KRT18: variants seen among roughly 807,000 people sequenced by gnomAD.
KRT18 encodes keratin, type I cytoskeletal 18.
KRT18 carries 8 observed loss-of-function variants against 39.9 expected under a neutral mutation model. The observed-to-expected ratio is 0.20, with a 90% confidence interval of 0.12 to 0.36. The LOEUF is 0.36. Ranked by LOEUF, KRT18 falls within the 10% of genes least tolerant of loss-of-function variation. The probability of loss-of-function intolerance (pLI) is 1.00; values close to 1 mark genes in which losing one functional copy is unlikely to be tolerated. For synonymous variants in KRT18, 194 were observed against 227.8 expected, an observed-to-expected ratio of 0.85 and a Z score of 1.33; for missense variants, 396 against 565.7, an observed-to-expected ratio of 0.70 and a Z score of 3.04.
chr12:52,952,046 T>C (rs1942499357), intron 5 of KRT18, 73 bp from the exon 6 acceptor site: 23 of 1,397,074 alleles, frequency 1.6e-5, no homozygotes, highest in Non-Finnish European at 2.3e-5. Context: ...CCCAAAAAAG[T>C]TTCCAAAAGT....
intron 1 of KRT18, 105 bp downstream of exon 1, chr12:52,949,695 C>T (rs1217056095): frequency 2.9e-6 from 3 of 1,045,072 alleles, no homozygotes; most frequent in Admixed American, 1.9e-5. Context: ...CCTACTCCAC[C>T]GGGAGGGGGT....
In KRT18 at chr12:52,950,777, G is replaced by T; in HGVS notation, c.528G>T (p.Gln176His). 10 of 1,611,140 alleles carry T rather than the reference G, an allele frequency of 6.2e-6. No individual in the cohort carries two copies. In the East Asian group the frequency reaches 2.2e-4, roughly 36 times the overall value. The change falls in exon 3 of 7, where the codon CAG becomes CAT. Residue 176 changes from glutamine to histidine, a missense_variant. Transcript: ENST00000388835. ...VKYETELAMR[Q>H]SVENDIHGLR... ...ATGAGACAGAGCTGGCCATGCGCCA[G>T]TCTGTGGAGAACGACATCCATGGGC... is the stretch of plus-strand genomic sequence containing the variant.
Position 52,949,334 on chromosome 12 carries a change from T to C in KRT18, c.161T>C (p.Phe54Ser), listed in dbSNP as rs1429253751. 2 of 1,608,218 alleles carry C rather than the reference T, an allele frequency of 1.2e-6. No individual in the cohort carries two copies. The highest frequency in any genetic ancestry group is 1.7e-6 in the Non-Finnish European group (2 of 1,179,084). ...SRISVSRSTS[F>S]RGGMGSGGLA... ...ATCTCCGTGTCCCGCTCCACCAGCTTCAGGGGCGGCATGGGGTCCGGGGGC... is the reference window on the plus strand; with the variant it reads ...ATCTCCGTGTCCCGCTCCACCAGCTCCAGGGGCGGCATGGGGTCCGGGGGC... Residue 54 changes from phenylalanine (F) to serine (S), a missense_variant, in exon 1 of 7, where the codon TTC becomes TCC. Phe to Ser is a radical substitution (Grantham distance 155, BLOSUM62 -2). Transcript: ENST00000388835.
At chr12:52,949,734 C>G in intron 1 of KRT18, 144 bp downstream of exon 1, 1 of 777,196 alleles carries the variant, frequency 1.3e-6, no homozygotes, top group Non-Finnish European at 2.3e-6. Flanking sequence ...CATCCGCGCA[C>G]CTAGCCACAG....
At chr12:52,950,214 G>A in intron 1 of KRT18, 114 bp from the exon 2 acceptor site, 2 of 800,202 alleles carry the variant, frequency 2.5e-6, no homozygotes, top group Non-Finnish European at 4.5e-6. Flanking sequence ...AGAGCCTCTG[G>A]CTATTCCTGG....
chr12:52,950,467 TC>T, intron 2 of KRT18, 57 bp downstream of exon 2: 1 of 1,303,980 alleles, frequency 7.7e-7, no homozygotes. Context: ...AAGGATCTGC[TC>T]CCCAGGCTGG....
rs760412718 is a variant in KRT18, at chr12:52,949,309, A to C, written c.136A>C (p.Ile46Leu). ...AGGCGCTGGGGGCTCTGGTTCCCGG[A>C]TCTCCGTGTCCCGCTCCACCAGCTT... is the stretch of plus-strand genomic sequence containing the variant. ...YAGAGGSGSR[I>L]SVSRSTSFRG... Residue 46 changes from isoleucine to leucine, a missense_variant, in exon 1 of 7, where the codon ATC (isoleucine) becomes CTC (leucine). Coordinates refer to ENST00000388835, the MANE Select transcript of KRT18 (RefSeq NM_000224.3). The C allele has an allele frequency of 6.2e-7, 1 of 1,610,408 alleles. No individual in the cohort carries two copies. Among genetic ancestry groups the C allele is most frequent in the East Asian group, 2.2e-5 (1 of 44,872 alleles).
At chr12:52,950,575 C>G (rs1215526175) in intron 2 of KRT18, 165 bp downstream of exon 2, 12 of 816,502 alleles carry the variant, frequency 1.5e-5, no homozygotes, top group Non-Finnish European at 2.5e-5. Flanking sequence ...TGTATAACCC[C>G]GTTTAAGAAT....
chr12:52,951,662 G>T lies in KRT18; in HGVS notation c.822+17G>T, dbSNP rs1294939361. On this transcript the variant is annotated intron_variant, in intron 4 of 6. Coordinates refer to ENST00000388835, the MANE Select transcript of KRT18 (RefSeq NM_000224.3). ...TCTCAGCAGGTGCGTGAGGGGAGGG[G>T]ATGGCTGCCAAGGTGTGGGAGGGAG... The T allele has an allele frequency of 6.2e-7, 1 of 1,613,300 alleles. No individual in the cohort carries two copies. The highest frequency in any genetic ancestry group is 1.7e-5 in the Admixed American group (1 of 59,984).
At chr12:52,949,736 T>G in intron 1 of KRT18, 146 bp downstream of exon 1, 1 of 763,288 alleles carries the variant, frequency 1.3e-6, no homozygotes, top group Non-Finnish European at 2.3e-6. Flanking sequence ...TCCGCGCACC[T>G]AGCCACAGGG....
At chr12:52,950,142 C>G (rs1318541581) in intron 1 of KRT18, 186 bp from the exon 2 acceptor site, 1 of 714,382 alleles carries the variant, frequency 1.4e-6, no homozygotes, top group Non-Finnish European at 2.6e-6. Flanking sequence ...GTGCTGGGAT[C>G]TGGGAATCCA....
At chr12:52,951,019 G>A (rs1942476910) in intron 3 of KRT18, 113 bp downstream of exon 3, 2 of 987,586 alleles carry the variant, frequency 2.0e-6, no homozygotes, top group Admixed American at 2.4e-5. Flanking sequence ...TTTAGAAATA[G>A]CAGCCTGGGC....
At position 52,952,854 on chromosome 12, in the gene KRT18, C is replaced by T; in HGVS notation, c.*12C>T. 6.2e-7 allele frequency: 1 copy of T among 1,604,916 alleles called. No homozygotes were observed. The highest frequency in any genetic ancestry group is 8.5e-7 in the Non-Finnish European group (1 of 1,179,220). Reference sequence around the variant, plus strand: ...TTCTGAGGCATTAAGCCAGCAGAAGCAGGGTACCCTTTGGGGAGCAGGAGG... The same window carrying T: ...TTCTGAGGCATTAAGCCAGCAGAAGTAGGGTACCCTTTGGGGAGCAGGAGG... On this transcript the variant is annotated 3_prime_UTR_variant, in exon 7 of 7. Transcript: ENST00000388835.
At chr12:52,949,869 AGAG>A (rs1190493093) in intron 1 of KRT18, 7 of 693,304 alleles carry the variant, frequency 1.0e-5, no homozygotes, top group African/African-American at 8.8e-5. Context: ...AGGCCTGTAA[AGAG>A]GAGGAGACAC....
intron 1 of KRT18, 40 bp downstream of exon 1, chr12:52,949,630 A>G: frequency 1.9e-6 from 3 of 1,549,238 alleles, no homozygotes; most frequent in Non-Finnish European, 2.7e-6. Context: ...GCCTTGTCTG[A>G]CCCTCCAATT....
intron 5 of KRT18, 38 bp from the exon 6 acceptor site, chr12:52,952,081 C>G (rs1274529843): frequency 6.7e-7 from 1 of 1,490,536 alleles, no homozygotes; most frequent in African/African-American, 1.4e-5. Context: ...TCCTGGGACT[C>G]TGGGCTCACC....
rs1942409069 is a variant in KRT18 at position 52,949,122 on chromosome 12, C to T, written c.-52C>T. ...CGGGTCGCGCGGCTCGCGCAGGCCGCCACCGTCGTCCGCAAAGCCTGAGTC... is the reference window on the plus strand; with the variant it reads ...CGGGTCGCGCGGCTCGCGCAGGCCGTCACCGTCGTCCGCAAAGCCTGAGTC... On this transcript the variant is annotated 5_prime_UTR_variant, in exon 1 of 7. Transcript: ENST00000388835. 5.1e-6 allele frequency: 7 copies of T among 1,360,434 alleles called. No homozygotes were observed. The highest frequency in any genetic ancestry group is 4.7e-5 in the South Asian group (4 of 84,432). The allele number at this position is 1,360,434 out of a possible 1,614,324, so 84.3% of individuals were successfully genotyped here.
Position 52,952,053 on chromosome 12 carries a change from A to T in KRT18, c.949-66A>T, listed in dbSNP as rs1218002165. On this transcript the variant is annotated intron_variant, in intron 5 of 6. Transcript: ENST00000388835. The stretch of plus-strand genomic sequence containing the variant: ...AGCAGGTGCCCAAAAAAGTTTCCAA[A>T]AGTGAAGGGATGAGCAGTCCTGGGA... 26 of 1,418,170 alleles carry T rather than the reference A, an allele frequency of 1.8e-5. No homozygotes were observed. In the East Asian group the frequency reaches 5.7e-4, roughly 31 times the overall value. The allele number at this position is 1,418,170 out of a possible 1,614,324, so 87.8% of individuals were successfully genotyped here.
At chr12:52,949,729 G>A (rs779728172) in intron 1 of KRT18, 139 bp downstream of exon 1, 5 of 790,954 alleles carry the variant, frequency 6.3e-6, no homozygotes, top group Non-Finnish European at 1.1e-5. Flanking sequence ...ATTTCCATCC[G>A]CGCACCTAGC....
Sources: allele counts gnomAD v4.1 joint callset, GRCh38; gene constraint gnomAD v4.1.1; transcripts MANE v1.5; gene names NCBI Gene and HGNC (gene_info 2026-07-23, HGNC 2026-07-21).